Variants in KIRREL1 observed in about 807,000 individuals in gnomAD.
The protein encoded by KIRREL1 is kin of IRRE-like protein 1.
KIRREL1 carries 25 observed loss-of-function variants against 83.3 expected under a neutral mutation model. That is an observed-to-expected ratio of 0.30 (90% CI 0.22 to 0.42). The LOEUF (loss-of-function observed/expected upper bound fraction) is 0.42. Among genes scored for constraint, KIRREL1 ranks in the 10% least tolerant of loss-of-function variants. The probability of loss-of-function intolerance (pLI) is 1.00; values close to 1 mark genes in which losing one functional copy is unlikely to be tolerated. For missense variants in KIRREL1, 812 were observed against 1,032.3 expected (o/e 0.79, Z 2.92); for synonymous variants, 388 against 410.4 (o/e 0.95, Z 0.66).
At chr1:158,075,335 A>G (rs559240299) in intron 1 of KIRREL1, among the ~76,000 whole-genome samples, 1 of 152,320 alleles carries the variant, frequency 6.6e-6, no homozygotes, top group East Asian at 1.9e-4. Context: ...GGAGAGTGGA[A>G]CAAAGTCACG....
intron 1 of KIRREL1, among the ~76,000 whole-genome samples, chr1:158,043,105 G>T (rs1241001200): frequency 8.1e-6 from 1 of 123,496 alleles, no homozygotes; most frequent in African/African-American, 2.8e-5. Context: ...AAAAAAAAAA[G>T]ATTAGCTTTG....
intron 1 of KIRREL1, among the ~76,000 whole-genome samples, chr1:158,048,747 T>G (rs981686272): frequency 2.6e-5 from 4 of 152,112 alleles, no homozygotes; most frequent in Non-Finnish European, 5.9e-5. Context: ...TTACAGTAAA[T>G]ACATGTCTGG....
At chr1:158,009,037 C>T (rs2101632928) in intron 1 of KIRREL1, among the ~76,000 whole-genome samples, 1 of 152,236 alleles carries the variant, frequency 6.6e-6, no homozygotes, top group East Asian at 1.9e-4. Flanking sequence ...AGAAAGGACA[C>T]CCGTCCAGAT....
chr1:158,018,163 G>T (rs550750871), intron 1 of KIRREL1, among the ~76,000 whole-genome samples: 2 of 152,020 alleles, frequency 1.3e-5, no homozygotes, highest in Admixed American at 6.6e-5. Flanking sequence ...AGGAAGAATT[G>T]GGGGGGTGGG....
chr1:158,093,520 G>A, intron 12 of KIRREL1, 74 bp downstream of exon 12: 1 of 1,602,138 alleles, frequency 6.2e-7, no homozygotes, highest in Non-Finnish European at 8.5e-7. Context: ...TGCTTGGGGT[G>A]GATGGGAGGT....
intron 4 of KIRREL1, among the ~76,000 whole-genome samples, chr1:158,085,655 C>T (rs1243004986): frequency 6.6e-6 from 1 of 152,096 alleles, no homozygotes; most frequent in Non-Finnish European, 1.5e-5. Flanking sequence ...TTGCACTGGC[C>T]CTCAACTGGG....
In KIRREL1 at chr1:158,056,344, G is replaced by A. The variant is rs1362362692; in HGVS notation, c.53-19769G>A. Among the ~76,000 whole-genome samples, 4 of 152,240 alleles carry A rather than the reference G, an allele frequency of 2.6e-5. No homozygotes were observed. The East Asian group carries it at 7.7e-4, about 29-fold the overall frequency. ...TCTGTCTCCCAAGGACTTGCCTTTCGCGTCAGGCTGGAGCATCCACCACCA... is the reference window on the plus strand; with the variant it reads ...TCTGTCTCCCAAGGACTTGCCTTTCACGTCAGGCTGGAGCATCCACCACCA... On this transcript the variant is annotated intron_variant, in intron 1 of 14. Coordinates refer to ENST00000359209, the MANE Select transcript of KIRREL1 (RefSeq NM_018240.7).
chr1:157,993,930 C>A (rs1041929638), intron 1 of KIRREL1, among the ~76,000 whole-genome samples: 2 of 152,002 alleles, frequency 1.3e-5, no homozygotes, highest in African/African-American at 4.8e-5. Context: ...AATGAGTTTG[C>A]CGTTGATTTG....
At chr1:158,071,364 A>G (rs892542802) in intron 1 of KIRREL1, among the ~76,000 whole-genome samples, 3 of 151,712 alleles carry the variant, frequency 2.0e-5, no homozygotes, top group Non-Finnish European at 4.4e-5. Flanking sequence ...GCGTGTGAGT[A>G]TGTGTGAGTG....
At chr1:158,078,330 C>T (rs1661746679) in intron 3 of KIRREL1, among the ~76,000 whole-genome samples, 190 bp downstream of exon 3, 3 of 152,172 alleles carry the variant, frequency 2.0e-5, no homozygotes, top group Non-Finnish European at 1.5e-5. Flanking sequence ...GGGGTGCTGG[C>T]GGGACGTGAG....
At chr1:158,058,878 A>G (rs1404818982) in intron 1 of KIRREL1, among the ~76,000 whole-genome samples, 1 of 152,152 alleles carries the variant, frequency 6.6e-6, no homozygotes, top group Admixed American at 6.5e-5. Context: ...TGGCTGCGGC[A>G]AGAACAGAAC....
intron 1 of KIRREL1, chr1:158,025,696 T>G (rs1660148672): frequency 6.8e-6 from 1 of 147,652 alleles, no homozygotes; most frequent in Non-Finnish European, 1.5e-5. Context: ...GGTGAGAAGA[T>G]GGGAGAGGAA....
chr1:158,037,511 A>T (rs1660510350), intron 1 of KIRREL1, among the ~76,000 whole-genome samples: 1 of 151,568 alleles, frequency 6.6e-6, no homozygotes, highest in Non-Finnish European at 1.5e-5. Flanking sequence ...AAAAAAAAAA[A>T]AGGAAGGGGT....
chr1:158,040,937 T>G (rs1660608365), intron 1 of KIRREL1, among the ~76,000 whole-genome samples: 1 of 152,022 alleles, frequency 6.6e-6, no homozygotes, highest in Admixed American at 6.6e-5. Context: ...GAATCAATCT[T>G]GTGTTTTAGG....
rs1222402057 is a variant in KIRREL1 at position 158,095,716 on chromosome 1, C to G, written c.*596C>G. 1 of 152,340 alleles carries G rather than the reference C, an allele frequency of 6.6e-6. No individual in the cohort carries two copies. The highest frequency in any genetic ancestry group is 1.5e-5 in the Non-Finnish European group (1 of 68,150). The allele number at this position is 152,340 out of a possible 1,614,324, so 9.4% of individuals were successfully genotyped here. On this transcript the variant is annotated 3_prime_UTR_variant, in exon 15 of 15. Transcript: ENST00000359209. ...GCATTCAAATCCAGTCTTCATTCAG[C>G]TGGGATCAAAATGCCAGTCACCTTG...
At chr1:158,022,860 C>G (rs1422125822) in intron 1 of KIRREL1, among the ~76,000 whole-genome samples, 2 of 152,146 alleles carry the variant, frequency 1.3e-5, no homozygotes, top group Admixed American at 6.5e-5. Flanking sequence ...CTCTTCCTCC[C>G]ACACACCTGC....
At chr1:158,010,152 T>C (rs2101634683) in intron 1 of KIRREL1, among the ~76,000 whole-genome samples, 1 of 152,272 alleles carries the variant, frequency 6.6e-6, no homozygotes, top group South Asian at 2.1e-4. Flanking sequence ...AATGAGGCCC[T>C]GGATCTCTCT....
At chr1:158,035,799 G>C (rs1490235453) in intron 1 of KIRREL1, among the ~76,000 whole-genome samples, 1 of 152,172 alleles carries the variant, frequency 6.6e-6, no homozygotes, top group African/African-American at 2.4e-5. Context: ...ACAGTGATTG[G>C]ATGTTTGGGT....
chr1:158,088,836 A>C (rs1662103972), intron 8 of KIRREL1, among the ~76,000 whole-genome samples: 1 of 152,156 alleles, frequency 6.6e-6, no homozygotes. Flanking sequence ...AGATGGGAGT[A>C]GATGGGGGGC....
Sources: allele counts gnomAD v4.1 joint callset (sites outside exome capture counted in the v4.1 genomes callset), GRCh38; gene constraint gnomAD v4.1.1; transcripts MANE v1.5; gene names NCBI Gene and HGNC (gene_info 2026-07-23, HGNC 2026-07-21).